Variants in PDE4B observed in about 807,000 individuals in gnomAD.
PDE4B encodes 3',5'-cyclic-AMP phosphodiesterase 4B.
Under a neutral mutation model 82.2 loss-of-function variants are expected in PDE4B, and 20 were observed. The ratio of observed to expected loss-of-function variants is 0.24; its 90% CI spans 0.17 to 0.35. The LOEUF (loss-of-function observed/expected upper bound fraction) is 0.35, where lower values mean the gene tolerates loss of function less well. Ranked by LOEUF, PDE4B falls within the 10% of genes least tolerant of loss-of-function variation. The pLI is 1.00. For synonymous variants in PDE4B, 320 were observed against 318.9 expected, an observed-to-expected ratio of 1.00 and a Z score of -0.04; for missense variants, 655 against 907.2, an observed-to-expected ratio of 0.72 and a Z score of 3.57.
chr1:66,113,912 G>A (rs539291165), intron 3 of PDE4B, among the ~76,000 whole-genome samples: 2 of 152,166 alleles, frequency 1.3e-5, no homozygotes, highest in East Asian at 1.9e-4. Context: ...AACATTATGT[G>A]CATAAGGTCA....
At chr1:66,153,880 G>T (rs191092491) in intron 3 of PDE4B, among the ~76,000 whole-genome samples, 7 of 152,140 alleles carry the variant, frequency 4.6e-5, no homozygotes, top group Admixed American at 3.3e-4. Context: ...GACCTGAGGG[G>T]CATCAAGGAG....
chr1:66,308,103 G>C (rs1658412838), intron 7 of PDE4B, among the ~76,000 whole-genome samples: 1 of 152,126 alleles, frequency 6.6e-6, no homozygotes, highest in African/African-American at 2.4e-5. Context: ...ACCCACAGGA[G>C]TAAATGGCAG....
At chr1:66,276,402 C>G (rs564696536) in intron 7 of PDE4B, among the ~76,000 whole-genome samples, 2 of 152,322 alleles carry the variant, frequency 1.3e-5, no homozygotes, top group East Asian at 3.9e-4. Flanking sequence ...CCTCTGCAGT[C>G]TAAACCACAC....
intron 3 of PDE4B, among the ~76,000 whole-genome samples, chr1:66,175,807 G>T (rs1373879071): frequency 2.6e-5 from 4 of 152,176 alleles, no homozygotes; most frequent in African/African-American, 7.2e-5. Context: ...AGTCAGTCTT[G>T]TATGAATCAT....
chr1:66,285,821 T>C (rs184968319), intron 7 of PDE4B, among the ~76,000 whole-genome samples: 1 of 152,192 alleles, frequency 6.6e-6, no homozygotes, highest in African/African-American at 2.4e-5. Flanking sequence ...TAACAAGAGC[T>C]TACCAAAGGC....
In PDE4B at chr1:65,900,041, TAAAAA is replaced by T. The variant is rs1646954771; in HGVS notation, c.-70-13202_-70-13198del. Among the ~76,000 whole-genome samples, 2 of 151,822 alleles carry T rather than the reference TAAAAA, an allele frequency of 1.3e-5. 1 individual carries two copies. Among genetic ancestry groups the T allele is most frequent in the South Asian group, 4.2e-4 (2 of 4,818 alleles). ...CCAATAACGTATGGAAATAAAAAAA[TAAAAA>T]AGAAGGGTATTTCCTAGATTTTCTT... On this transcript the variant is annotated intron_variant, in intron 1 of 16. Transcript: ENST00000341517.
intron 3 of PDE4B, among the ~76,000 whole-genome samples, chr1:65,934,983 G>A (rs1648047296): frequency 6.6e-6 from 1 of 152,182 alleles, no homozygotes; most frequent in South Asian, 2.1e-4. Flanking sequence ...ACAAACAGCA[G>A]ACTTGAACAG....
intron 3 of PDE4B, among the ~76,000 whole-genome samples, chr1:66,191,110 T>G (rs1049305521): frequency 9.9e-5 from 15 of 152,226 alleles, no homozygotes; most frequent in South Asian, 2.1e-4. Flanking sequence ...TACCTTACCA[T>G]ATAATCTTTT....
chr1:66,122,335 TC>T (rs1645726815), intron 3 of PDE4B, among the ~76,000 whole-genome samples: 1 of 152,238 alleles, frequency 6.6e-6, no homozygotes. Flanking sequence ...CTGATTTTTT[TC>T]ACATTTATCC....
chr1:65,952,724 T>A (rs1163888133), intron 3 of PDE4B, among the ~76,000 whole-genome samples: 3 of 151,992 alleles, frequency 2.0e-5, no homozygotes, highest in African/African-American at 7.2e-5. Flanking sequence ...CCCACCAGTT[T>A]TATAGTCAGG....
At chr1:65,948,536 A>G (rs1648830236) in intron 3 of PDE4B, among the ~76,000 whole-genome samples, 1 of 151,902 alleles carries the variant, frequency 6.6e-6, no homozygotes, top group South Asian at 2.1e-4. Context: ...TCTGTTTTAT[A>G]TTCACTGGCA....
chr1:65,845,666 T>C (rs189522615), intron 1 of PDE4B, among the ~76,000 whole-genome samples: 1 of 152,320 alleles, frequency 6.6e-6, no homozygotes, highest in Non-Finnish European at 1.5e-5. Flanking sequence ...GTGCTCCTGC[T>C]GTCACTGTAT....
chr1:66,062,827 A>G (rs776818857), intron 3 of PDE4B: 8 of 152,100 alleles, frequency 5.3e-5, no homozygotes, highest in Non-Finnish European at 1.0e-4. Context: ...AATGAAATGC[A>G]TTATTATTTA....
intron 3 of PDE4B, among the ~76,000 whole-genome samples, chr1:66,160,547 T>C (rs1230966724): frequency 2.0e-5 from 3 of 152,200 alleles, no homozygotes; most frequent in Non-Finnish European, 2.9e-5. Flanking sequence ...GTGCATTACA[T>C]TGCCATTCTT....
intron 3 of PDE4B, among the ~76,000 whole-genome samples, chr1:65,919,449 T>A (rs1015730751): frequency 3.3e-5 from 5 of 152,334 alleles, no homozygotes; most frequent in African/African-American, 1.2e-4. Flanking sequence ...GTGCCATGAC[T>A]GCTTCAAATA....
chr1:66,243,028 C>CT (rs1380044589), intron 3 of PDE4B, among the ~76,000 whole-genome samples: 1 of 152,194 alleles, frequency 6.6e-6, no homozygotes, highest in Non-Finnish European at 1.5e-5. Flanking sequence ...TATAAGAAGG[C>CT]TTTTCTCCTC....
At chr1:66,301,804 C>T (rs555330675) in intron 7 of PDE4B, among the ~76,000 whole-genome samples, 10 of 152,184 alleles carry the variant, frequency 6.6e-5, no homozygotes, top group South Asian at 2.1e-4. Context: ...TCTACCCATG[C>T]GAGTTATAAA....
intron 3 of PDE4B, among the ~76,000 whole-genome samples, chr1:66,234,370 C>A (rs753678283): frequency 6.6e-6 from 1 of 152,184 alleles, no homozygotes; most frequent in Non-Finnish European, 1.5e-5. Flanking sequence ...CTCACTGCAA[C>A]CTCTGCCTCC....
At chr1:66,250,133 A>C (rs1015012208) in intron 4 of PDE4B, among the ~76,000 whole-genome samples, 1 of 152,212 alleles carries the variant, frequency 6.6e-6, no homozygotes, top group African/African-American at 2.4e-5. Context: ...AAGCTATTTC[A>C]TATGATTATT....
Sources: gnomAD v4.1 joint callset for allele counts (sites outside exome capture counted in the v4.1 genomes callset) on GRCh38, gnomAD v4.1.1 for gene constraint, MANE v1.5 for transcripts, NCBI Gene and HGNC (gene_info 2026-07-23, HGNC 2026-07-21) for gene names.